MKLN1: variants seen among roughly 807,000 people sequenced by gnomAD.
MKLN1 encodes muskelin 1.
Under a neutral mutation model 99.0 loss-of-function variants are expected in MKLN1, and 18 were observed. That is an observed-to-expected ratio of 0.18 (90% CI 0.13 to 0.27). The LOEUF is 0.27. Ranked by LOEUF, MKLN1 falls within the 10% of genes least tolerant of loss-of-function variation. MKLN1 has a pLI of 1.00. For missense variants in MKLN1, 621 were observed against 875.9 expected (o/e 0.71, Z 3.67); for synonymous variants, 288 against 293.2 (o/e 0.98, Z 0.18).
intron 2 of MKLN1, among the ~76,000 whole-genome samples, chr7:131,199,339 C>T (rs553721374): frequency 2.6e-5 from 4 of 151,330 alleles, no homozygotes; most frequent in African/African-American, 4.8e-5. Context: ...CTCACTGTAA[C>T]CTCGAAATCC....
chr7:131,218,487 A>G (rs1584843637), intron 3 of MKLN1, among the ~76,000 whole-genome samples: 1 of 152,356 alleles, frequency 6.6e-6, no homozygotes, highest in Non-Finnish European at 1.5e-5. Context: ...TTGAAGTTAA[A>G]CTATGAACTA....
chr7:131,156,389 G>C (rs186195584), intron 2 of MKLN1, among the ~76,000 whole-genome samples: 30 of 147,846 alleles, frequency 2.0e-4, no homozygotes, highest in African/African-American at 6.7e-4. Flanking sequence ...TTAGCCGGGC[G>C]TGGAGGCGAG....
intron 2 of MKLN1, among the ~76,000 whole-genome samples, chr7:131,172,293 A>G (rs1024441177): frequency 3.4e-5 from 5 of 148,360 alleles, no homozygotes; most frequent in Non-Finnish European, 7.4e-5. Flanking sequence ...GGCGCCTGCC[A>G]CAACACCAGG....
At chr7:131,131,033 C>CCTG (rs1795541757) in intron 1 of MKLN1, among the ~76,000 whole-genome samples, 1 of 99,838 alleles carries the variant, frequency 1.0e-5, no homozygotes, top group East Asian at 3.0e-4. Context: ...GCCTGGGCAA[C>CCTG]AGAGGGAGAC....
chr7:131,275,719 C>A (rs1797962250), intron 3 of MKLN1, among the ~76,000 whole-genome samples: 1 of 151,122 alleles, frequency 6.6e-6, no homozygotes, highest in Non-Finnish European at 1.5e-5. Context: ...GCCTGAGCCA[C>A]TGCGCCCTGC....
chr7:131,366,176 T>C (rs1317395558), intron 1 of MKLN1, among the ~76,000 whole-genome samples: 1 of 152,330 alleles, frequency 6.6e-6, no homozygotes, highest in Admixed American at 6.5e-5. Flanking sequence ...TGTAATGGAT[T>C]ATCTAACCAA....
intron 3 of MKLN1, among the ~76,000 whole-genome samples, chr7:131,246,537 T>C (rs1297638006): frequency 6.6e-6 from 1 of 152,244 alleles, no homozygotes; most frequent in African/African-American, 2.4e-5. Context: ...TCATGTCCTT[T>C]GCTGATTTTT....
rs201302585 is a variant in MKLN1 at position 131,140,781 on chromosome 7, T to TG, written c.-418-2039_-418-2038insG. Among the ~76,000 whole-genome samples, 1,431 of 151,886 alleles carry TG rather than the reference T, an allele frequency of 9.4e-3. 58 individuals carry two copies. In the East Asian group the frequency reaches 0.14, roughly 14 times the overall value. On this transcript the variant is annotated intron_variant, in intron 1 of 7. Transcript: ENST00000416992. Reference sequence around the variant, plus strand: ...ATGAACTAACACACCATCCTTTTTTTTTTTGTTTTGTTTTCTGAGACAGAG... The same window carrying TG: ...ATGAACTAACACACCATCCTTTTTTTGTTTTGTTTTGTTTTCTGAGACAGAG...
At chr7:131,426,230 T>C (rs1264646754) in intron 8 of MKLN1, among the ~76,000 whole-genome samples, 2 of 152,176 alleles carry the variant, frequency 1.3e-5, no homozygotes, top group East Asian at 3.8e-4. Flanking sequence ...AGAAAGAACA[T>C]TGAGAACCCA....
chr7:131,416,992 A>AC (rs1795036622), intron 8 of MKLN1, among the ~76,000 whole-genome samples: 1 of 151,832 alleles, frequency 6.6e-6, no homozygotes, highest in Admixed American at 6.6e-5. Context: ...AAAAAAAAAA[A>AC]AAAAAAAAAA....
chr7:131,119,627 G>C (rs889362773), intron 1 of MKLN1, among the ~76,000 whole-genome samples: 1 of 152,114 alleles, frequency 6.6e-6, no homozygotes, highest in African/African-American at 2.4e-5. Context: ...AGACATTTCC[G>C]TGCATCCTCT....
intron 3 of MKLN1, among the ~76,000 whole-genome samples, chr7:131,214,959 T>C (rs1314467862): frequency 6.6e-6 from 1 of 152,240 alleles, no homozygotes; most frequent in Non-Finnish European, 1.5e-5. Flanking sequence ...TTTATGGCTA[T>C]TAAGTATGTT....
At chr7:131,175,162 ATAGAT>A (rs959727711) in intron 2 of MKLN1, among the ~76,000 whole-genome samples, 13 of 134,030 alleles carry the variant, frequency 9.7e-5, no homozygotes, top group South Asian at 4.7e-4. Flanking sequence ...GGATAGATAG[ATAGAT>A]TAGATTAGAT....
chr7:131,157,580 A>G (rs1795988060), intron 2 of MKLN1, among the ~76,000 whole-genome samples: 1 of 152,234 alleles, frequency 6.6e-6, no homozygotes, highest in South Asian at 2.1e-4. Flanking sequence ...ACACACAGTT[A>G]TCATCAGCTA....
At chr7:131,183,813 A>G (rs1796408875) in intron 2 of MKLN1, among the ~76,000 whole-genome samples, 1 of 152,108 alleles carries the variant, frequency 6.6e-6, no homozygotes, top group Non-Finnish European at 1.5e-5. Flanking sequence ...TTGGTGACAC[A>G]TGGTTGCTTC....
intron 2 of MKLN1, among the ~76,000 whole-genome samples, chr7:131,192,542 A>G (rs1399436765): frequency 7.1e-6 from 1 of 141,326 alleles, no homozygotes; most frequent in African/African-American, 2.7e-5. Flanking sequence ...ATAAATATAT[A>G]TATTATATAT....
chr7:131,150,050 C>G (rs950613543), intron 2 of MKLN1, among the ~76,000 whole-genome samples: 4 of 152,084 alleles, frequency 2.6e-5, no homozygotes, highest in Non-Finnish European at 5.9e-5. Flanking sequence ...CTCAGCTGGC[C>G]CCGTCTTTGC....
chr7:131,352,798 A>T (rs1799758747), intron 1 of MKLN1, among the ~76,000 whole-genome samples: 1 of 152,036 alleles, frequency 6.6e-6, no homozygotes, highest in African/African-American at 2.4e-5. Flanking sequence ...ACACAGGTTC[A>T]TTTGTTTTAG....
intron 1 of MKLN1, among the ~76,000 whole-genome samples, chr7:131,350,444 G>C (rs970454224): frequency 1.3e-5 from 2 of 152,154 alleles, no homozygotes; most frequent in Non-Finnish European, 2.9e-5. Flanking sequence ...TGAGGGTCCA[G>C]TGTTTAGACA....
Sources: allele counts gnomAD v4.1 joint callset (sites outside exome capture counted in the v4.1 genomes callset), GRCh38; gene constraint gnomAD v4.1.1; transcripts MANE v1.5; gene names NCBI Gene and HGNC (gene_info 2026-07-23, HGNC 2026-07-21).